Variants in MOB3B observed in about 807,000 individuals in gnomAD.
MOB3B encodes MOB kinase activator 3B, also known as MOB kinase activator-like 2B.
A neutral mutation model predicts 18.7 loss-of-function variants in MOB3B; 7 were observed. The observed-to-expected ratio is 0.37, with a 90% confidence interval of 0.21 to 0.70. MOB3B has a LOEUF of 0.70. MOB3B is among the 30% of genes least tolerant of loss of function. The probability of loss-of-function intolerance (pLI) is 0.52; values close to 1 mark genes in which losing one functional copy is unlikely to be tolerated. For synonymous variants in MOB3B, 111 were observed against 99.9 expected, an observed-to-expected ratio of 1.11 and a Z score of -0.66; for missense variants, 253 against 281.3, an observed-to-expected ratio of 0.90 and a Z score of 0.72.
At chr9:27,404,358 T>C (rs1392972179) in intron 2 of MOB3B, among the ~76,000 whole-genome samples, 2 of 133,946 alleles carry the variant, frequency 1.5e-5, no homozygotes, top group Non-Finnish European at 3.2e-5. Flanking sequence ...TTTTTTTTTT[T>C]TTTTTTTTTT....
intron 1 of MOB3B, among the ~76,000 whole-genome samples, chr9:27,521,812 G>T (rs1182618716): frequency 6.6e-6 from 1 of 152,100 alleles, no homozygotes; most frequent in Non-Finnish European, 1.5e-5. Context: ...GCCTTAGGGA[G>T]AATCCACATT....
At chr9:27,398,333 G>A (rs1412224178) in intron 2 of MOB3B, among the ~76,000 whole-genome samples, 1 of 152,196 alleles carries the variant, frequency 6.6e-6, no homozygotes, top group African/African-American at 2.4e-5. Context: ...CTCAGAGCAA[G>A]AACTAACCAA....
chr9:27,379,290 T>A (rs901194861), intron 2 of MOB3B, among the ~76,000 whole-genome samples: 1 of 152,190 alleles, frequency 6.6e-6, no homozygotes, highest in African/African-American at 2.4e-5. Flanking sequence ...CCCTTGGGGA[T>A]TCTAACGCAC....
chr9:27,430,407 G>A (rs1029621465), intron 2 of MOB3B, among the ~76,000 whole-genome samples: 1 of 152,144 alleles, frequency 6.6e-6, no homozygotes, highest in African/African-American at 2.4e-5. Context: ...AAGCTTTAGG[G>A]TTCTGCTTCC....
chr9:27,434,349 ACTCT>A (rs1185098583), intron 2 of MOB3B, among the ~76,000 whole-genome samples: 4 of 151,714 alleles, frequency 2.6e-5, no homozygotes, highest in African/African-American at 7.3e-5. Context: ...TTTTCTCTTA[ACTCT>A]CTGACTTCTC....
chr9:27,458,617 C>T (rs1819228178), intron 1 of MOB3B, among the ~76,000 whole-genome samples: 1 of 130,138 alleles, frequency 7.7e-6, no homozygotes, highest in Non-Finnish European at 1.6e-5. Flanking sequence ...GTGGTGTGAT[C>T]ATGGCTCACT....
intron 3 of MOB3B, 135 bp from the exon 4 acceptor site, chr9:27,330,751 C>CTTAG: frequency 1.5e-6 from 2 of 1,304,462 alleles, no homozygotes; most frequent in Non-Finnish European, 2.1e-6. Flanking sequence ...ATGAATAAGG[C>CTTAG]TTAGCATGAG....
intron 1 of MOB3B, among the ~76,000 whole-genome samples, chr9:27,515,134 G>A (rs531386313): frequency 1.3e-5 from 2 of 152,264 alleles, no homozygotes; most frequent in South Asian, 4.1e-4. Flanking sequence ...ATCGACATTG[G>A]ACATTATGGC....
chr9:27,443,716 G>A (rs1004720458), intron 2 of MOB3B, among the ~76,000 whole-genome samples: 1 of 152,142 alleles, frequency 6.6e-6, no homozygotes, highest in African/African-American at 2.4e-5. Context: ...CCAAGGGCTG[G>A]GCACTCTGAT....
At position 27,464,227 on chromosome 9, in the gene MOB3B, G is replaced by A. The variant is rs183744542; in HGVS notation, c.-198-8479C>T. Among the ~76,000 whole-genome samples the A allele has an allele frequency of 2.1e-3, 312 of 152,176 alleles. 4 individuals carry two copies. Among genetic ancestry groups the A allele is most frequent in the Non-Finnish European group, 3.9e-3 (266 of 67,996 alleles). On this transcript the variant is annotated intron_variant, in intron 1 of 3. Transcript: ENST00000262244. ...ATAGGCAGGAGGTGGTAGGGGTGGG[G>A]GGCACGGTGGCAATGGAAGCCCTGC...
At chr9:27,366,008 A>C (rs1376129596) in intron 2 of MOB3B, among the ~76,000 whole-genome samples, 1 of 152,188 alleles carries the variant, frequency 6.6e-6, no homozygotes, top group Admixed American at 6.5e-5. Flanking sequence ...TCAAAGCAAG[A>C]CTAGAGTTTT....
intron 2 of MOB3B, among the ~76,000 whole-genome samples, chr9:27,372,496 G>T (rs1372486344): frequency 6.6e-6 from 1 of 152,124 alleles, no homozygotes; most frequent in Non-Finnish European, 1.5e-5. Flanking sequence ...GTACAGTATA[G>T]GTGGCTTTAT....
intron 2 of MOB3B, among the ~76,000 whole-genome samples, chr9:27,435,945 G>A (rs1287207916): frequency 6.6e-6 from 1 of 152,098 alleles, no homozygotes; most frequent in Non-Finnish European, 1.5e-5. Context: ...TGCTCCCTCT[G>A]TGACTTCCTC....
chr9:27,471,705 A>G (rs1341381340), intron 1 of MOB3B, among the ~76,000 whole-genome samples: 1 of 152,356 alleles, frequency 6.6e-6, no homozygotes, highest in African/African-American at 2.4e-5. Flanking sequence ...AGCGCAAGGT[A>G]AGTTTGTAAT....
At chr9:27,364,642 C>G (rs112839009) in intron 2 of MOB3B, among the ~76,000 whole-genome samples, 3 of 152,300 alleles carry the variant, frequency 2.0e-5, no homozygotes, top group Admixed American at 6.5e-5. Context: ...GTCTCCAAGC[C>G]TCACTTTCCC....
At chr9:27,500,976 C>T (rs1422474344) in intron 1 of MOB3B, among the ~76,000 whole-genome samples, 21 of 151,962 alleles carry the variant, frequency 1.4e-4, no homozygotes, top group African/African-American at 4.1e-4. Flanking sequence ...GACATTTATG[C>T]GACCAACAAA....
At chr9:27,440,091 A>G (rs1488013847) in intron 2 of MOB3B, among the ~76,000 whole-genome samples, 2 of 152,232 alleles carry the variant, frequency 1.3e-5, no homozygotes, top group Non-Finnish European at 2.9e-5. Context: ...TTAGCAAGGC[A>G]GGTGTAAGAT....
At chr9:27,521,294 G>C (rs1415888771) in intron 1 of MOB3B, among the ~76,000 whole-genome samples, 1 of 152,210 alleles carries the variant, frequency 6.6e-6, no homozygotes, top group Non-Finnish European at 1.5e-5. Flanking sequence ...TTTGGGGTGA[G>C]AGGGCTAAAG....
At chr9:27,395,410 T>C (rs1821784275) in intron 2 of MOB3B, among the ~76,000 whole-genome samples, 1 of 152,184 alleles carries the variant, frequency 6.6e-6, no homozygotes, top group South Asian at 2.1e-4. Flanking sequence ...ACACCATAAA[T>C]ACATATAATT....
Sources: gnomAD v4.1 joint callset for allele counts (sites outside exome capture counted in the v4.1 genomes callset) on GRCh38, gnomAD v4.1.1 for gene constraint, MANE v1.5 for transcripts, NCBI Gene and HGNC (gene_info 2026-07-23, HGNC 2026-07-21) for gene names.